Variants in ANKS3 observed in about 807,000 individuals in gnomAD.
ANKS3 encodes the protein ankyrin repeat and SAM domain-containing protein 3.
In ANKS3, 62 loss-of-function variants were observed where a neutral mutation model predicts 80.7. The observed-to-expected ratio is 0.77, with a 90% CI of 0.63 to 0.95. The LOEUF (loss-of-function observed/expected upper bound fraction) is 0.95. Among genes scored for constraint, ANKS3 ranks in the 40% least tolerant of loss-of-function variants. ANKS3 has a pLI of 0.00. For missense variants in ANKS3, 1,150 were observed against 883.6 expected, an observed-to-expected ratio of 1.30 and a Z score of -3.82; for synonymous variants, 489 against 355.3, an observed-to-expected ratio of 1.38 and a Z score of -4.23.
At chr16:4,710,218 G>A (rs1341131372) in intron 7 of ANKS3, among the ~76,000 whole-genome samples, 1 of 152,078 alleles carries the variant, frequency 6.6e-6, no homozygotes, top group Non-Finnish European at 1.5e-5. Context: ...TGACTATACG[G>A]AACAACAGCT....
At chr16:4,714,342 C>T in intron 6 of ANKS3, 156 bp from the exon 7 acceptor site, 1 of 1,129,106 alleles carries the variant, frequency 8.9e-7, no homozygotes, top group Non-Finnish European at 1.2e-6. Context: ...GCAGGCTTGT[C>T]TGCACCGCAG....
chr16:4,722,537 C>G (rs1434613120), intron 6 of ANKS3, among the ~76,000 whole-genome samples: 2 of 145,240 alleles, frequency 1.4e-5, no homozygotes, highest in East Asian at 2.0e-4. Flanking sequence ...GATCATGCCA[C>G]TGTACTCCAG....
intron 6 of ANKS3, among the ~76,000 whole-genome samples, chr16:4,715,587 C>T (rs757643662): frequency 6.6e-6 from 1 of 152,028 alleles, no homozygotes; most frequent in Non-Finnish European, 1.5e-5. Context: ...TAGAGCGAGA[C>T]CTTGTCTCAA....
At chr16:4,719,864 C>G (rs2080996879) in intron 6 of ANKS3, among the ~76,000 whole-genome samples, 1 of 151,570 alleles carries the variant, frequency 6.6e-6, no homozygotes, top group South Asian at 2.1e-4. Flanking sequence ...GCCAGGGAGC[C>G]AAAAAGTCTA....
intron 1 of ANKS3, among the ~76,000 whole-genome samples, chr16:4,732,093 G>A (rs1329012475): frequency 6.6e-6 from 1 of 152,158 alleles, no homozygotes; most frequent in Non-Finnish European, 1.5e-5. Flanking sequence ...CAATGTGGGA[G>A]ACGAACACTT....
rs757910492 is a variant in ANKS3, at chr16:4,697,420, T to C, written c.1811-4A>G. On this transcript the variant is annotated splice_region_variant and splice_polypyrimidine_tract_variant and intron_variant, in intron 15 of 17. Coordinates refer to ENST00000304283, the MANE Select transcript of ANKS3 (RefSeq NM_133450.4). ...GACGCTTGCCAGCCCTTGGAGTCTG[T>C]GGTGCAGGTGCAGGGACCGAGTTAG... 2 of 1,597,410 alleles carry C rather than the reference T, an allele frequency of 1.3e-6. No homozygotes were observed. The highest frequency in any genetic ancestry group is 1.1e-5 in the South Asian group (1 of 90,156).
At chr16:4,700,899 C>T (rs1476320854) in intron 11 of ANKS3, 71 bp downstream of exon 11, 2 of 1,584,472 alleles carry the variant, frequency 1.3e-6, no homozygotes, top group African/African-American at 1.3e-5. Context: ...GTCATATACA[C>T]AACACATGCC....
rs1365293086 is a variant in ANKS3 at position 4,705,636 on chromosome 16, TTC to T, written c.710-385_710-384del. Among the ~76,000 whole-genome samples, 15 of 152,060 alleles carry T rather than the reference TTC, an allele frequency of 9.9e-5. No individual in the cohort carries two copies. The East Asian group carries it at 3.0e-3, about 30-fold the overall frequency. ...CGTGCCACCATGCCCAGTGTTTTTT[TTC>T]TTTTCTTTTTCAGTAGACACAGGCT... On this transcript the variant is annotated intron_variant, in intron 7 of 17. Transcript: ENST00000304283.
intron 7 of ANKS3, among the ~76,000 whole-genome samples, chr16:4,708,938 C>CA (rs1174728403): frequency 4.9e-3 from 617 of 127,196 alleles, no homozygotes; most frequent in African/African-American, 8.1e-3. Flanking sequence ...GACTCTGTCT[C>CA]AAAAAAAAAA....
chr16:4,731,501 G>T lies in ANKS3; in HGVS notation c.-3+11C>A. ...TCACCATGTTGGCCAGGCTGGTCTCGAACTCCTCACCTCAGGTGATCCGCC... is the reference window on the plus strand; with the variant it reads ...TCACCATGTTGGCCAGGCTGGTCTCTAACTCCTCACCTCAGGTGATCCGCC... On this transcript the variant is annotated intron_variant, in intron 2 of 17. Coordinates refer to ENST00000304283, the MANE Select transcript of ANKS3 (RefSeq NM_133450.4). The T allele has an allele frequency of 5.4e-6, 2 of 370,334 alleles. No individual in the cohort carries two copies. The highest frequency in any genetic ancestry group is 7.5e-6 in the Non-Finnish European group (2 of 267,908). 22.9% of individuals were successfully genotyped at this position (370,334 alleles called of 1,614,324 possible).
chr16:4,709,423 T>A (rs923534923), intron 7 of ANKS3, among the ~76,000 whole-genome samples: 5 of 150,428 alleles, frequency 3.3e-5, no homozygotes, highest in African/African-American at 1.2e-4. Flanking sequence ...AAAAAAAAAT[T>A]AAAAAATATA....
chr16:4,726,475 A>T (rs531395582), intron 5 of ANKS3, among the ~76,000 whole-genome samples, 184 bp downstream of exon 5: 2 of 152,190 alleles, frequency 1.3e-5, no homozygotes, highest in Non-Finnish European at 2.9e-5. Context: ...GCTTGAAGAG[A>T]TGCATCTCAC....
At chr16:4,701,952 C>G in intron 9 of ANKS3, 150 bp downstream of exon 9, 1 of 1,009,508 alleles carries the variant, frequency 9.9e-7, no homozygotes, top group African/African-American at 1.7e-5. Flanking sequence ...CCATTCCTCA[C>G]AAGAACCAGG....
intron 6 of ANKS3, among the ~76,000 whole-genome samples, chr16:4,722,989 C>T (rs181098455): frequency 5.1e-4 from 77 of 151,332 alleles, no homozygotes; most frequent in Admixed American, 9.2e-4. Context: ...TAAAATGAGA[C>T]GCTACAATTC....
At chr16:4,701,260 C>T (rs2079885539) in intron 10 of ANKS3, 126 bp from the exon 11 acceptor site, 8 of 1,479,510 alleles carry the variant, frequency 5.4e-6, no homozygotes, top group Non-Finnish European at 7.4e-6. Flanking sequence ...ACAGGGGCTT[C>T]CGGTGCGTTC....
In ANKS3 at chr16:4,698,595, C is replaced by T; in HGVS notation, c.1556G>A (p.Cys519Tyr). The T allele has an allele frequency of 1.3e-6, 2 of 1,559,846 alleles. No homozygotes were observed. Among genetic ancestry groups the T allele is most frequent in the Admixed American group, 1.8e-5 (1 of 55,252 alleles). The change falls in exon 14 of 18, where the codon TGC (cysteine) becomes TAC (tyrosine). Residue 519 changes from cysteine (C) to tyrosine (Y), a missense_variant. Cys to Tyr is a radical substitution (Grantham distance 194). Coordinates refer to ENST00000304283, the MANE Select transcript of ANKS3 (RefSeq NM_133450.4). ...QELAIQLHKR[C>Y]EEVEATRGQV... is the part of the protein sequence containing the mutation. ...GCCCCGCGTGGCCTCTACCTCCTCG[C>T]AGCGCTGCAGGGGGGTGGGGGGCGC... is the stretch of plus-strand genomic sequence containing the variant.
At chr16:4,702,522 T>G (rs2079973453) in intron 8 of ANKS3, among the ~76,000 whole-genome samples, 1 of 152,194 alleles carries the variant, frequency 6.6e-6, no homozygotes, top group Non-Finnish European at 1.5e-5. Flanking sequence ...AATGGTCAGC[T>G]GTATTTACAG....
intron 1 of ANKS3, 63 bp downstream of exon 1, chr16:4,733,875 C>T: frequency 1.0e-6 from 1 of 974,010 alleles, no homozygotes; most frequent in Non-Finnish European, 1.2e-6. Context: ...CCCGTGGAAC[C>T]GCATCGCAAA....
intron 7 of ANKS3, among the ~76,000 whole-genome samples, chr16:4,712,877 C>T (rs2080571591): frequency 1.3e-5 from 2 of 152,108 alleles, no homozygotes; most frequent in African/African-American, 2.4e-5. Context: ...TCCATCGATA[C>T]TTAAAGATTA....
Sources: allele counts gnomAD v4.1 joint callset (sites outside exome capture counted in the v4.1 genomes callset), GRCh38; gene constraint gnomAD v4.1.1; transcripts MANE v1.5; gene names NCBI Gene and HGNC (gene_info 2026-07-23, HGNC 2026-07-21).